The following LEF1 variants were observed in gnomAD, a reference collection of about 807,000 sequenced individuals.
LEF1 encodes lymphoid enhancer-binding factor 1.
In LEF1, 14 loss-of-function variants were observed where a neutral mutation model predicts 51.2. That is an observed-to-expected ratio of 0.27 (90% CI 0.18 to 0.43). The LOEUF (loss-of-function observed/expected upper bound fraction) is 0.43, where lower values mean the gene tolerates loss of function less well. Among genes scored for constraint, LEF1 ranks in the 20% least tolerant of loss-of-function variants. LEF1 has a pLI of 1.00. For missense variants in LEF1, 386 were observed against 512.0 expected (o/e 0.75, Z 2.37); for synonymous variants, 185 against 183.2 (o/e 1.01, Z -0.08).
At chr4:108,061,444 T>G (rs1737687673) in intron 11 of LEF1, among the ~76,000 whole-genome samples, 1 of 152,130 alleles carries the variant, frequency 6.6e-6, no homozygotes, top group Non-Finnish European at 1.5e-5. Flanking sequence ...TACCAAACTC[T>G]GAAATACAGA....
At chr4:108,069,365 TATAAA>T (rs71590201) in intron 9 of LEF1, among the ~76,000 whole-genome samples, 5,443 of 152,290 alleles carry the variant, frequency 0.036, 104 homozygotes, top group Middle Eastern at 0.045. Flanking sequence ...TATTCCCCTC[TATAAA>T]ATAAAAGTCT....
At chr4:108,065,017 T>C (rs774503417) in intron 9 of LEF1, among the ~76,000 whole-genome samples, 23 of 152,094 alleles carry the variant, frequency 1.5e-4, no homozygotes, top group Non-Finnish European at 2.6e-4. Flanking sequence ...ACTGAAGATA[T>C]CTCAAAGACT....
At chr4:108,059,879 C>T (rs1360841057) in intron 11 of LEF1, among the ~76,000 whole-genome samples, 1 of 152,054 alleles carries the variant, frequency 6.6e-6, no homozygotes, top group Non-Finnish European at 1.5e-5. Flanking sequence ...GAGAAGGGAT[C>T]TTGCCATGTT....
intron 3 of LEF1, among the ~76,000 whole-genome samples, chr4:108,106,663 T>C (rs1274080619): frequency 6.6e-6 from 1 of 152,152 alleles, no homozygotes; most frequent in East Asian, 1.9e-4. Flanking sequence ...CACTAGACTC[T>C]AAAGCTCAAC....
chr4:108,135,119 G>C (rs1743170779), intron 3 of LEF1, among the ~76,000 whole-genome samples: 1 of 152,182 alleles, frequency 6.6e-6, no homozygotes, highest in Non-Finnish European at 1.5e-5. Flanking sequence ...GTTAGAGGAA[G>C]ACAGGAGTTT....
intron 3 of LEF1, among the ~76,000 whole-genome samples, chr4:108,143,209 G>A (rs1217589733): frequency 6.6e-6 from 1 of 152,110 alleles, no homozygotes; most frequent in Non-Finnish European, 1.5e-5. Flanking sequence ...TTAACAACCT[G>A]CCTACTTCAG....
chr4:108,085,327 G>A (rs1048228569), intron 4 of LEF1, among the ~76,000 whole-genome samples: 2 of 152,124 alleles, frequency 1.3e-5, no homozygotes, highest in Admixed American at 6.5e-5. Context: ...CAGGTGATCC[G>A]CCCGCCTCGT....
chr4:108,166,343 C>A, intron 1 of LEF1: 1 of 1,519,310 alleles, frequency 6.6e-7, no homozygotes, highest in East Asian at 2.5e-5. Context: ...AAAATGTCCC[C>A]GCCCTCAAAA....
chr4:108,110,496 A>G (rs1741460089), intron 3 of LEF1, among the ~76,000 whole-genome samples: 1 of 152,206 alleles, frequency 6.6e-6, no homozygotes, highest in South Asian at 2.1e-4. Flanking sequence ...GCAAAAAAAC[A>G]CAATGGAGCT....
intron 3 of LEF1, chr4:108,104,619 C>A: frequency 1.1e-6 from 1 of 903,794 alleles, no homozygotes; most frequent in Non-Finnish European, 1.3e-6. Flanking sequence ...CAGCAAAGTA[C>A]GACATATTGT....
At chr4:108,135,139 A>G (rs1743172070) in intron 3 of LEF1, among the ~76,000 whole-genome samples, 1 of 152,214 alleles carries the variant, frequency 6.6e-6, no homozygotes, top group African/African-American at 2.4e-5. Flanking sequence ...TTAGCTGCCT[A>G]AAATCTACTT....
In LEF1 at chr4:108,165,138, T is replaced by C. The variant is rs764243792; in HGVS notation, c.239A>G (p.Gln80Arg). The change falls in exon 2 of 12, where the codon CAG (glutamine) becomes CGG (arginine). Residue 80 changes from glutamine (Q) to arginine (R), a missense_variant. By Grantham distance (43) the Gln-to-Arg change is conservative (BLOSUM62 1). Coordinates refer to ENST00000265165, the MANE Select transcript of LEF1 (RefSeq NM_016269.5). ...TCTGGCCTTGTCGTGGTAGGGCTCC[T>C]GAGAGGTTTGTGCTTGTCTGGCCAC... is the stretch of plus-strand genomic sequence containing the variant. ...HEVARQAQTSQEPYHDKAREH... is the reference protein window; with the variant it reads ...HEVARQAQTSREPYHDKAREH... The C allele has an allele frequency of 3.1e-6, 5 of 1,614,054 alleles. No homozygotes were observed. The highest frequency in any genetic ancestry group is 1.7e-4 in the Middle Eastern group (1 of 6,060).
At chr4:108,083,604 A>G (rs1320774655) in intron 4 of LEF1, among the ~76,000 whole-genome samples, 158 bp from the exon 5 acceptor site, 1 of 152,228 alleles carries the variant, frequency 6.6e-6, no homozygotes, top group African/African-American at 2.4e-5. Context: ...AGCTTTTCTC[A>G]AGATTTCAAC....
chr4:108,110,888 A>G (rs1316094450), intron 3 of LEF1, among the ~76,000 whole-genome samples: 1 of 152,184 alleles, frequency 6.6e-6, no homozygotes, highest in East Asian at 1.9e-4. Flanking sequence ...TAGAACCATA[A>G]TATCTCTGAA....
intron 11 of LEF1, among the ~76,000 whole-genome samples, chr4:108,055,794 G>A (rs559307910): frequency 1.5e-3 from 230 of 152,138 alleles, no homozygotes; most frequent in African/African-American, 5.3e-3. Context: ...GCTCCCCAAG[G>A]CAACTTAAAC....
intron 4 of LEF1, among the ~76,000 whole-genome samples, chr4:108,086,111 G>A (rs549991813): frequency 1.2e-4 from 18 of 152,338 alleles, no homozygotes; most frequent in Middle Eastern, 6.8e-3. Context: ...TATGTGAGCA[G>A]AAAGTGGATC....
intron 11 of LEF1, among the ~76,000 whole-genome samples, chr4:108,055,815 C>T (rs1163607848): frequency 6.6e-6 from 1 of 152,222 alleles, no homozygotes; most frequent in Non-Finnish European, 1.5e-5. Context: ...ACAATTCTAG[C>T]TCTTCTGATC....
At chr4:108,091,949 A>G (rs1165674873) in intron 3 of LEF1, among the ~76,000 whole-genome samples, 2 of 152,208 alleles carry the variant, frequency 1.3e-5, no homozygotes, top group Non-Finnish European at 2.9e-5. Flanking sequence ...ACAATCTACA[A>G]AGATATTTTC....
At chr4:108,164,575 G>C (rs1382194622) in intron 2 of LEF1, among the ~76,000 whole-genome samples, 1 of 151,904 alleles carries the variant, frequency 6.6e-6, no homozygotes, top group East Asian at 1.9e-4. Flanking sequence ...AGGGAGAAAG[G>C]GTATCATTTC....
Sources: allele counts gnomAD v4.1 joint callset (sites outside exome capture counted in the v4.1 genomes callset), GRCh38; gene constraint gnomAD v4.1.1; transcripts MANE v1.5; gene names NCBI Gene and HGNC (gene_info 2026-07-23, HGNC 2026-07-21).